LHX8: variants seen among roughly 807,000 people sequenced by gnomAD.
The protein encoded by LHX8 is LIM/homeobox protein Lhx8.
A neutral mutation model predicts 40.3 loss-of-function variants in LHX8; 12 were observed. The observed-to-expected ratio is 0.30, with a 90% CI of 0.19 to 0.48. The LOEUF (loss-of-function observed/expected upper bound fraction) is 0.48, where lower values mean the gene tolerates loss of function less well. Among genes scored for constraint, LHX8 ranks in the 20% least tolerant of loss-of-function variants. LHX8 has a pLI of 0.99. For missense variants in LHX8, 344 were observed against 433.7 expected (o/e 0.79, Z 1.84); for synonymous variants, 179 against 162.0 (o/e 1.10, Z -0.80).
At chr1:75,186,440 A>G in the LHX8 span, among the ~76,000 whole-genome samples, 1 of 152,186 alleles carries the variant, frequency 6.6e-6, no homozygotes, top group Non-Finnish European at 1.5e-5. Flanking sequence ...AGTAATGGGG[A>G]AAGGACTCCC....
intron 5 of LHX8, among the ~76,000 whole-genome samples, 178 bp downstream of exon 5, chr1:75,143,516 G>A (rs1648376355): frequency 6.6e-6 from 1 of 152,106 alleles, no homozygotes; most frequent in East Asian, 1.9e-4. Flanking sequence ...GGAAAGCCAT[G>A]GTGTATGTAT....
At chr1:75,197,149 TATTA>T in the LHX8 span, among the ~76,000 whole-genome samples, 1 of 152,240 alleles carries the variant, frequency 6.6e-6, no homozygotes, top group Non-Finnish European at 1.5e-5. Context: ...AATTTTAAAG[TATTA>T]ATTAGGAAAA....
In LHX8 at chr1:75,157,022, G is replaced by A; in HGVS notation, c.910G>A (p.Ala304Thr). The A allele has an allele frequency of 6.2e-7, 1 of 1,614,148 alleles. No homozygotes were observed. Among genetic ancestry groups the A allele is most frequent in the Non-Finnish European group, 8.5e-7 (1 of 1,180,026 alleles). The change falls in exon 8 of 9, where the codon GCC (alanine) becomes ACC (threonine). Residue 304 changes from alanine (A) to threonine (T), a missense_variant. Ala to Thr is a moderately conservative substitution (Grantham distance 58). Around this residue, in one of 3 missense-constraint regions of LHX8, gnomAD observed 89 missense variants for 92.8 expected, o/e 0.96. Coordinates refer to ENST00000356261, the MANE Select transcript of LHX8 (RefSeq NM_001256114.2). ...PPMLEEMAYS[A>T]YVPQDGTMLT... is the part of the protein sequence containing the mutation. ...CATGTTAGAAGAAATGGCTTATTCT[G>A]CCTACGTGCCCCAAGATGGAACGAT...
Position 75,137,273 on chromosome 1 carries a change from C to T in LHX8, c.237+12C>T. The T allele has an allele frequency of 1.2e-6, 2 of 1,613,042 alleles. No homozygotes were observed. Among genetic ancestry groups the T allele is most frequent in the Non-Finnish European group, 1.7e-6 (2 of 1,179,690 alleles). ...AATACCTTCTCAAGGTAGGATAGGGCCTCGGGTGCGAGGCCCAAGGGGAGC... is the reference window on the plus strand; with the variant it reads ...AATACCTTCTCAAGGTAGGATAGGGTCTCGGGTGCGAGGCCCAAGGGGAGC... On this transcript the variant is annotated intron_variant, in intron 3 of 8. Coordinates refer to ENST00000356261, the MANE Select transcript of LHX8 (RefSeq NM_001256114.2).
the LHX8 span, among the ~76,000 whole-genome samples, chr1:75,180,027 T>C: frequency 6.6e-6 from 1 of 152,336 alleles, no homozygotes; most frequent in South Asian, 2.1e-4. Flanking sequence ...CCCTACTCTC[T>C]TCTGGCTTGT....
chr1:75,167,016 G>A, the LHX8 span, among the ~76,000 whole-genome samples: 2 of 152,224 alleles, frequency 1.3e-5, no homozygotes, highest in Non-Finnish European at 2.9e-5. Flanking sequence ...CAGAGTTGCA[G>A]CCTCTGTGTG....
the LHX8 span, among the ~76,000 whole-genome samples, chr1:75,174,251 G>GCC: frequency 6.6e-6 from 1 of 152,074 alleles, no homozygotes; most frequent in Non-Finnish European, 1.5e-5. Flanking sequence ...CATCTACCCT[G>GCC]CCCCCTATCC....
the LHX8 span, among the ~76,000 whole-genome samples, chr1:75,171,678 T>C: frequency 2.6e-5 from 4 of 152,158 alleles, no homozygotes; most frequent in African/African-American, 9.7e-5. Context: ...AACTGTTCCA[T>C]GCTGTTAAGA....
chr1:75,183,614 A>T, the LHX8 span, among the ~76,000 whole-genome samples: 1 of 152,212 alleles, frequency 6.6e-6, no homozygotes, highest in East Asian at 1.9e-4. Context: ...CTGACAAGAG[A>T]TCTTGAAAGA....
Position 75,148,625 on chromosome 1 carries a change from T to G in LHX8, c.723T>G (p.Asp241Glu). 1 of 1,613,650 alleles carries G rather than the reference T, an allele frequency of 6.2e-7. No individual in the cohort carries two copies. Among genetic ancestry groups the G allele is most frequent in the Non-Finnish European group, 8.5e-7 (1 of 1,179,912 alleles). ...QAQFAQDNNP[D>E]AQTLQKLAER... is the part of the protein sequence containing the mutation. ...AATTTGCTCAGGACAACAACCCAGA[T>G]GCACAGACACTCCAGAAATTGGCAG... The change falls in exon 7 of 9, where the codon GAT becomes GAG. Residue 241 changes from aspartate to glutamate, a missense_variant. By Grantham distance (45) the Asp-to-Glu change is conservative (BLOSUM62 2). Around this residue, in one of 3 missense-constraint regions of LHX8, gnomAD observed 147 missense variants for 250.8 expected, o/e 0.59. Transcript: ENST00000356261.
the LHX8 span, among the ~76,000 whole-genome samples, chr1:75,173,121 A>G: frequency 6.6e-6 from 1 of 152,164 alleles, no homozygotes; most frequent in African/African-American, 2.4e-5. Flanking sequence ...CCACTGGAGT[A>G]GGCAAGATAT....
At chr1:75,181,913 A>G in the LHX8 span, among the ~76,000 whole-genome samples, 1 of 152,054 alleles carries the variant, frequency 6.6e-6, no homozygotes, top group Non-Finnish European at 1.5e-5. Context: ...CGTTGGGTGC[A>G]TAGGTTACAA....
intron 2 of LHX8, 105 bp downstream of exon 2, chr1:75,136,794 C>T: frequency 1.1e-6 from 1 of 890,620 alleles, no homozygotes; most frequent in South Asian, 1.5e-5. Flanking sequence ...GCTGGCCCCT[C>T]CTGCAGCAGA....
the LHX8 span, among the ~76,000 whole-genome samples, chr1:75,172,050 G>A: frequency 1.3e-5 from 2 of 152,112 alleles, no homozygotes; most frequent in African/African-American, 2.4e-5. Context: ...TCTCATCCCT[G>A]GTTCTTGCCA....
the LHX8 span, among the ~76,000 whole-genome samples, chr1:75,177,587 G>C: frequency 6.6e-6 from 1 of 152,208 alleles, no homozygotes; most frequent in East Asian, 1.9e-4. Context: ...GAGACGATGG[G>C]GTTTTCTAAA....
chr1:75,130,732 G>C (rs865917241), upstream of LHX8: 18 of 1,614,006 alleles, frequency 1.1e-5, 2 homozygotes, highest in Middle Eastern at 2.3e-3. Context: ...TTCTGAGCAG[G>C]GTAAGTTTGT....
chr1:75,136,813 G>A (rs993668153), intron 2 of LHX8, 124 bp downstream of exon 2: 14 of 771,256 alleles, frequency 1.8e-5, no homozygotes, highest in Non-Finnish European at 2.8e-5. Flanking sequence ...GACAGAGGAC[G>A]GGGCGGAGAG....
At chr1:75,179,745 G>GCATCAA in the LHX8 span, among the ~76,000 whole-genome samples, 14 of 152,042 alleles carry the variant, frequency 9.2e-5, no homozygotes, top group East Asian at 5.8e-4. Context: ...ATGTCAGTTG[G>GCATCAA]CTATTTTGCC....
At chr1:75,182,670 G>A in the LHX8 span, among the ~76,000 whole-genome samples, 48 of 152,246 alleles carry the variant, frequency 3.2e-4, no homozygotes, top group African/African-American at 5.3e-4. Flanking sequence ...ACTGCGCTCC[G>A]CCTTACATGC....
Sources: gnomAD v4.1 joint callset for allele counts (sites outside exome capture counted in the v4.1 genomes callset) on GRCh38, gnomAD v4.1.1 for gene constraint, gnomAD v4.1.1 regional missense constraint, MANE v1.5 for transcripts, NCBI Gene and HGNC (gene_info 2026-07-23, HGNC 2026-07-21) for gene names.